AFF3: variants seen among roughly 807,000 people sequenced by gnomAD.
AFF3 encodes the protein AF4/FMR2 family member 3.
AFF3 carries 32 observed loss-of-function variants against 129.7 expected under a neutral mutation model. The ratio of observed to expected loss-of-function variants is 0.25; its 90% CI spans 0.19 to 0.33. The LOEUF is 0.33. Ranked by LOEUF, AFF3 falls within the 10% of genes least tolerant of loss-of-function variation. The pLI is 1.00. For synonymous variants in AFF3, 644 were observed against 635.4 expected, an observed-to-expected ratio of 1.01 and a Z score of -0.20; for missense variants, 1,373 against 1,592.0, an observed-to-expected ratio of 0.86 and a Z score of 2.34.
chr2:99,751,522 G>T (rs1348930141), intron 9 of AFF3, among the ~76,000 whole-genome samples: 1 of 152,138 alleles, frequency 6.6e-6, no homozygotes, highest in African/African-American at 2.4e-5. Context: ...TAATGCACAG[G>T]GAAAATGAAA....
At chr2:99,655,655 G>A (rs778051673) in intron 12 of AFF3, among the ~76,000 whole-genome samples, 2 of 152,142 alleles carry the variant, frequency 1.3e-5, no homozygotes, top group African/African-American at 2.4e-5. Flanking sequence ...GAAAGTCATC[G>A]AAGGGTTTAC....
intron 7 of AFF3, among the ~76,000 whole-genome samples, chr2:99,976,321 C>T (rs1450617271): frequency 6.6e-6 from 1 of 152,124 alleles, no homozygotes; most frequent in Non-Finnish European, 1.5e-5. Context: ...GTGTCACTTT[C>T]ATCTCTGATT....
At chr2:99,667,331 C>CGT (rs1686757049) in intron 12 of AFF3, among the ~76,000 whole-genome samples, 1 of 152,098 alleles carries the variant, frequency 6.6e-6, no homozygotes, top group Non-Finnish European at 1.5e-5. Flanking sequence ...CGATGAAATA[C>CGT]AACACATCAA....
rs1311008157 is a variant in AFF3 at position 99,684,512 on chromosome 2, A to G, written c.1092-11923T>C. 3.9e-5 allele frequency among the ~76,000 whole-genome samples: 6 copies of G among 152,376 alleles called. No individual in the cohort carries two copies. The East Asian group carries it at 1.2e-3, about 29-fold the overall frequency. On this transcript the variant is annotated intron_variant, in intron 11 of 24. Transcript: ENST00000672756. ...AGATCGTATAAACGTGAAGAGGAGA[A>G]AAAGACTTCAATGTTCCATATTAAA...
chr2:99,708,653 A>C (rs1558771488), intron 11 of AFF3, among the ~76,000 whole-genome samples: 1 of 152,236 alleles, frequency 6.6e-6, no homozygotes, highest in Non-Finnish European at 1.5e-5. Context: ...AATAGTGATT[A>C]TTAGAAAACC....
intron 8 of AFF3, among the ~76,000 whole-genome samples, chr2:99,808,038 C>T (rs1686493015): frequency 2.0e-5 from 3 of 148,862 alleles, no homozygotes; most frequent in African/African-American, 7.3e-5. Flanking sequence ...CCCTCCCTCG[C>T]CAATGGGGTG....
intron 18 of AFF3, among the ~76,000 whole-genome samples, chr2:99,569,954 T>TA (rs1313570759): frequency 1.3e-5 from 2 of 152,220 alleles, no homozygotes; most frequent in Non-Finnish European, 2.9e-5. Context: ...AACATTCATG[T>TA]ATCCAAAGAG....
intron 8 of AFF3, among the ~76,000 whole-genome samples, chr2:99,827,986 G>A (rs1288855942): frequency 6.6e-6 from 1 of 152,160 alleles, no homozygotes; most frequent in African/African-American, 2.4e-5. Context: ...TGACAAGGAG[G>A]TGCTGGTGTC....
intron 11 of AFF3, among the ~76,000 whole-genome samples, chr2:99,677,739 CT>C (rs1325619817): frequency 6.6e-6 from 1 of 152,164 alleles, no homozygotes; most frequent in East Asian, 1.9e-4. Flanking sequence ...CCTGGAGGAC[CT>C]TTTTCTTTCT....
intron 19 of AFF3, 111 bp downstream of exon 19, chr2:99,568,741 C>G: frequency 1.9e-6 from 2 of 1,079,730 alleles, no homozygotes; most frequent in Non-Finnish European, 2.8e-6. Context: ...TGAACAGACC[C>G]GGCCATCCTT....
At chr2:99,894,476 T>TC (rs1425291012) in intron 7 of AFF3, among the ~76,000 whole-genome samples, 5 of 151,770 alleles carry the variant, frequency 3.3e-5, no homozygotes, top group Non-Finnish European at 7.4e-5. Flanking sequence ...AGGAATTTTT[T>TC]TTTTTTTTTT....
At chr2:100,051,638 T>A (rs1047384923) in intron 4 of AFF3, among the ~76,000 whole-genome samples, 9 of 152,198 alleles carry the variant, frequency 5.9e-5, no homozygotes, top group African/African-American at 2.2e-4. Context: ...ACTGTTAATA[T>A]AGAGTTTAAA....
At chr2:100,051,697 C>T (rs979904461) in intron 4 of AFF3, among the ~76,000 whole-genome samples, 3 of 152,176 alleles carry the variant, frequency 2.0e-5, no homozygotes, top group Admixed American at 2.0e-4. Flanking sequence ...TAAGTGTCCG[C>T]CTCTGTGTGT....
intron 21 of AFF3, among the ~76,000 whole-genome samples, chr2:99,559,912 T>C (rs562867084): frequency 1.3e-5 from 2 of 152,390 alleles, no homozygotes; most frequent in South Asian, 4.1e-4. Flanking sequence ...GGCTGACAGG[T>C]AAAGGAACTA....
intron 1 of AFF3, among the ~76,000 whole-genome samples, chr2:100,130,546 C>T (rs890730665): frequency 1.3e-5 from 2 of 152,258 alleles, no homozygotes; most frequent in Non-Finnish European, 2.9e-5. Context: ...CGTGTGCCCA[C>T]AGGCACATCA....
In AFF3 at chr2:99,607,531, C is replaced by CA. The variant is rs759613262; in HGVS notation, c.1185-5911dup. Among the ~76,000 whole-genome samples the CA allele has an allele frequency of 2.4e-3, 273 of 113,766 alleles. 1 individual carries two copies. The highest frequency in any genetic ancestry group is 5.2e-3 in the African/African-American group (158 of 30,530). The allele number at this position is 113,766 out of a possible 152,430, so 74.6% of individuals were successfully genotyped here. ...TGGGCGACAGTGTGAGACTCTGTCT[C>CA]AAAAAAAAAAAAAAGACCTGGAACC... On this transcript the variant is annotated intron_variant, in intron 13 of 24. Coordinates refer to ENST00000672756, the MANE Select transcript of AFF3 (RefSeq NM_001386135.1).
intron 15 of AFF3, among the ~76,000 whole-genome samples, chr2:99,590,272 T>C (rs1439103971): frequency 1.3e-5 from 2 of 152,232 alleles, no homozygotes; most frequent in African/African-American, 4.8e-5. Flanking sequence ...AGTGGGAGGC[T>C]GCCTAGGGCC....
chr2:99,958,822 C>T lies in AFF3; in HGVS notation c.873+47810G>A, dbSNP rs535211649. Among the ~76,000 whole-genome samples, 5 of 152,012 alleles carry T rather than the reference C, an allele frequency of 3.3e-5. No homozygotes were observed. The South Asian group carries it at 1.0e-3, about 32-fold the overall frequency. The stretch of plus-strand genomic sequence containing the variant: ...TTGAGGGGAGGGTAAGGAATAAGAA[C>T]ATTATCAAGGCCGGGTGCGGTGGTT... On this transcript the variant is annotated intron_variant, in intron 7 of 24. Coordinates refer to ENST00000672756, the MANE Select transcript of AFF3 (RefSeq NM_001386135.1).
intron 7 of AFF3, among the ~76,000 whole-genome samples, chr2:99,976,935 G>A (rs1678952354): frequency 6.6e-6 from 1 of 151,970 alleles, no homozygotes; most frequent in South Asian, 2.1e-4. Context: ...AGCCAATTTA[G>A]TATTGGTTTT....
Sources: gnomAD v4.1 joint callset for allele counts (sites outside exome capture counted in the v4.1 genomes callset) on GRCh38, gnomAD v4.1.1 for gene constraint, MANE v1.5 for transcripts, NCBI Gene and HGNC (gene_info 2026-07-23, HGNC 2026-07-21) for gene names.